The following ARL6 variants were observed in gnomAD, a reference collection of about 807,000 sequenced individuals.
ARL6 encodes ARF like GTPase 6, also known as ADP-ribosylation factor-like protein 6.
Under a neutral mutation model 27.1 loss-of-function variants are expected in ARL6, and 18 were observed. The ratio of observed to expected loss-of-function variants is 0.66; its 90% confidence interval spans 0.46 to 0.98. ARL6 has a LOEUF of 0.98. ARL6 is among the 50% of genes least tolerant of loss of function. ARL6 has a pLI of 0.00. For missense variants in ARL6, 187 were observed against 214.9 expected, an observed-to-expected ratio of 0.87 and a Z score of 0.81; for synonymous variants, 65 against 72.3, an observed-to-expected ratio of 0.90 and a Z score of 0.51.
intron 4 of ARL6, 118 bp from the exon 5 acceptor site, chr3:97,784,837 G>T: frequency 4.6e-6 from 3 of 648,656 alleles, no homozygotes; most frequent in Non-Finnish European, 8.2e-6. Context: ...AAATTCTAAT[G>T]ATATATGGAC....
At chr3:97,771,887 T>C (rs1040144433) in intron 2 of ARL6, among the ~76,000 whole-genome samples, 5 of 152,194 alleles carry the variant, frequency 3.3e-5, no homozygotes, top group African/African-American at 1.2e-4. Flanking sequence ...TGAATCCTAC[T>C]GATCATGGTG....
chr3:97,779,936 C>T (rs1217248229), intron 2 of ARL6, among the ~76,000 whole-genome samples: 1 of 151,690 alleles, frequency 6.6e-6, no homozygotes, highest in East Asian at 1.9e-4. Context: ...ATGCCACAAG[C>T]CACAAATGTG....
intron 4 of ARL6, among the ~76,000 whole-genome samples, chr3:97,782,302 T>G (rs1011382499): frequency 2.0e-5 from 3 of 151,942 alleles, no homozygotes; most frequent in Non-Finnish European, 1.5e-5. Context: ...CAAAAATATA[T>G]ATAGAGAGAA....
intron 2 of ARL6, among the ~76,000 whole-genome samples, chr3:97,770,598 T>C (rs2036590630): frequency 6.6e-6 from 1 of 152,086 alleles, no homozygotes; most frequent in Non-Finnish European, 1.5e-5. Context: ...GAGGTCTTAC[T>C]GCCCAAATCA....
intron 7 of ARL6, among the ~76,000 whole-genome samples, chr3:97,792,809 A>C (rs2037807770): frequency 6.6e-6 from 1 of 152,224 alleles, no homozygotes; most frequent in African/African-American, 2.4e-5. Flanking sequence ...TGGCCAAGTC[A>C]GAAATTCCAT....
At chr3:97,794,352 A>T (rs1236050712) in intron 7 of ARL6, among the ~76,000 whole-genome samples, 1 of 151,928 alleles carries the variant, frequency 6.6e-6, no homozygotes, top group Non-Finnish European at 1.5e-5. Flanking sequence ...AGCTGAGATT[A>T]CAGGTGCCTG....
rs1274388355 is a variant in ARL6, at chr3:97,799,871, T to C, written c.*1822T>C. ...ACAGATGATTCAAGAGTATGATAGA[T>C]ATTAGAAATACAGATATATCTGCCA... On this transcript the variant is annotated 3_prime_UTR_variant, in exon 8 of 8. Transcript: ENST00000463745. The C allele has an allele frequency of 6.6e-6, 1 of 152,144 alleles. No individual in the cohort carries two copies. Among genetic ancestry groups the C allele is most frequent in the Non-Finnish European group, 1.5e-5 (1 of 67,982 alleles). The allele number at this position is 152,144 out of a possible 1,614,324, so 9.4% of individuals were successfully genotyped here. A position where few individuals can be genotyped will look rare whatever the true frequency, so the allele number is the denominator to read the frequency against.
intron 4 of ARL6, among the ~76,000 whole-genome samples, chr3:97,783,305 T>C (rs2037289530): frequency 6.6e-6 from 1 of 151,824 alleles, no homozygotes; most frequent in African/African-American, 2.4e-5. Context: ...TTATGTACCA[T>C]GTATAATTTT....
intron 7 of ARL6, among the ~76,000 whole-genome samples, chr3:97,794,542 A>AG (rs2037908200): frequency 6.6e-6 from 1 of 152,128 alleles, no homozygotes; most frequent in Non-Finnish European, 1.5e-5. Flanking sequence ...GTGTAATAAC[A>AG]AATAGTTTAT....
intron 4 of ARL6, among the ~76,000 whole-genome samples, chr3:97,781,662 A>G (rs1322344800): frequency 1.3e-5 from 2 of 152,070 alleles, no homozygotes; most frequent in Non-Finnish European, 2.9e-5. Flanking sequence ...TATACTTCAG[A>G]CTAATAGCTG....
chr3:97,798,031 C>T lies in ARL6; in HGVS notation c.543C>T (p.Ile181=). 1 of 1,613,026 alleles carries T rather than the reference C, an allele frequency of 6.2e-7. No homozygotes were observed. Among genetic ancestry groups the T allele is most frequent in the Non-Finnish European group, 8.5e-7 (1 of 1,179,314 alleles). ...QEGVDWLQDQ[I]QTVKT ...TTTGTTTTTTGTTATCAGATCAGAT[C>T]CAGACTGTGAAGACATGAAAAGATA... Residue 181 remains isoleucine, a synonymous_variant, in exon 8 of 8, where the codon ATC becomes ATT. Transcript: ENST00000463745.
rs765090459 is a variant in ARL6 at position 97,780,700 on chromosome 3, A to C, written c.254+17A>C. ...CTATTATAAGTAAGTACATCTGTGAATGTTGCTTAACTAGATGGTTTTTAC... is the reference window on the plus strand; with the variant it reads ...CTATTATAAGTAAGTACATCTGTGACTGTTGCTTAACTAGATGGTTTTTAC... On this transcript the variant is annotated intron_variant, in intron 4 of 7. Transcript: ENST00000463745. 1.9e-6 allele frequency: 3 copies of C among 1,581,638 alleles called. No individual in the cohort carries two copies. The South Asian group carries it at 3.3e-5, about 18-fold the overall frequency.
rs147146614 is a variant in ARL6 at position 97,792,260 on chromosome 3, G to A, written c.535+434G>A. Among the ~76,000 whole-genome samples, 1,505 of 152,252 alleles carry A rather than the reference G, an allele frequency of 9.9e-3. 25 individuals are homozygous for A. Among genetic ancestry groups the A allele is most frequent in the African/African-American group, 0.035 (1,434 of 41,538 alleles). On this transcript the variant is annotated intron_variant, in intron 7 of 7. Coordinates refer to ENST00000463745, the MANE Select transcript of ARL6 (RefSeq NM_001278293.3). ...TGTAATCCCAGCACTTTGGGAGGCC[G>A]AGGCAGGCGGATCATGAGGTCAGGA... is the stretch of plus-strand genomic sequence containing the variant.
intron 2 of ARL6, 107 bp downstream of exon 2, chr3:97,768,337 T>G: frequency 8.0e-7 from 1 of 1,251,622 alleles, no homozygotes; most frequent in Non-Finnish European, 1.1e-6. Context: ...CATTAAGATA[T>G]TCTGTTAACC....
intron 2 of ARL6, among the ~76,000 whole-genome samples, chr3:97,779,559 C>A (rs36022509): frequency 0.039 from 5,863 of 152,168 alleles, 204 homozygotes; most frequent in African/African-American, 0.095. Context: ...TACAAACTCA[C>A]GTATGTGTTG....
At chr3:97,786,377 T>A (rs1017333197) in intron 5 of ARL6, among the ~76,000 whole-genome samples, 1 of 152,062 alleles carries the variant, frequency 6.6e-6, no homozygotes, top group Non-Finnish European at 1.5e-5. Context: ...TCTAGATTGA[T>A]AATGCATTTT....
At position 97,788,269 on chromosome 3, in the gene ARL6, A is replaced by C. The variant is rs937117686; in HGVS notation, c.479+150A>C. The C allele has an allele frequency of 4.5e-6, 4 of 889,236 alleles. No homozygotes were observed. The Admixed American group carries it at 8.7e-5, about 19-fold the overall frequency. The allele number at this position is 889,236 out of a possible 1,614,324, so 55.1% of individuals were successfully genotyped here. The stretch of plus-strand genomic sequence containing the variant: ...TTGTTTTGTAGAATTGTGGCATTGT[A>C]GGTTTTTACAAATATATTACTGTTA... On this transcript the variant is annotated intron_variant, in intron 6 of 7. Transcript: ENST00000463745.
chr3:97,767,539 A>C (rs1043455844), intron 1 of ARL6, among the ~76,000 whole-genome samples: 1 of 152,176 alleles, frequency 6.6e-6, no homozygotes, highest in Admixed American at 6.5e-5. Context: ...AGCAAAAAAA[A>C]AGTGAATTTA....
At chr3:97,784,841 T>C (rs925018964) in intron 4 of ARL6, 114 bp from the exon 5 acceptor site, 1 of 702,832 alleles carries the variant, frequency 1.4e-6, no homozygotes, top group African/African-American at 1.8e-5. Flanking sequence ...TCTAATGATA[T>C]ATGGACATAG....
Sources: allele counts gnomAD v4.1 joint callset (sites outside exome capture counted in the v4.1 genomes callset), GRCh38; gene constraint gnomAD v4.1.1; transcripts MANE v1.5; gene names NCBI Gene and HGNC (gene_info 2026-07-23, HGNC 2026-07-21).